Variants in NTRK3 observed in about 807,000 individuals in gnomAD.
The protein encoded by NTRK3 is NT-3 growth factor receptor.
NTRK3 carries 24 observed loss-of-function variants against 91.7 expected under a neutral mutation model. The observed-to-expected ratio is 0.26, with a 90% CI of 0.19 to 0.37. The LOEUF (loss-of-function observed/expected upper bound fraction) is 0.37. Ranked by LOEUF, NTRK3 falls within the 10% of genes least tolerant of loss-of-function variation. The pLI is 1.00. For missense variants in NTRK3, 880 were observed against 1,068.9 expected (o/e 0.82, Z 2.46); for synonymous variants, 483 against 404.0 (o/e 1.20, Z -2.34).
At chr15:87,998,174 C>T (rs747176095) in intron 14 of NTRK3, among the ~76,000 whole-genome samples, 6 of 152,170 alleles carry the variant, frequency 3.9e-5, no homozygotes, top group Non-Finnish European at 5.9e-5. Context: ...TGTCTCTAGA[C>T]ATTGTCAAAA....
intron 13 of NTRK3, among the ~76,000 whole-genome samples, chr15:88,066,958 T>C (rs1322774747): frequency 4.6e-5 from 7 of 152,140 alleles, no homozygotes; most frequent in Non-Finnish European, 1.0e-4. Context: ...CACTGGCCCT[T>C]CCACATTCCT....
intron 5 of NTRK3, among the ~76,000 whole-genome samples, chr15:88,171,246 C>T (rs2045486573): frequency 6.6e-6 from 1 of 152,162 alleles, no homozygotes; most frequent in Admixed American, 6.5e-5. Context: ...TCACCACACC[C>T]CTTTTTTCTA....
intron 3 of NTRK3, among the ~76,000 whole-genome samples, chr15:88,214,163 T>C (rs1241289733): frequency 1.3e-5 from 2 of 152,134 alleles, no homozygotes; most frequent in Middle Eastern, 3.2e-3. Flanking sequence ...GGGGCTCCCA[T>C]AACAAAGTAT....
At chr15:88,029,171 T>G (rs2078303668) in intron 14 of NTRK3, among the ~76,000 whole-genome samples, 1 of 152,234 alleles carries the variant, frequency 6.6e-6, no homozygotes, top group Non-Finnish European at 1.5e-5. Flanking sequence ...TTTATTAGGC[T>G]TTGGGTTCTG....
chr15:88,056,909 G>A (rs913824835), intron 13 of NTRK3, among the ~76,000 whole-genome samples: 5 of 152,080 alleles, frequency 3.3e-5, no homozygotes, highest in Non-Finnish European at 7.3e-5. Context: ...GGTGGCTCAC[G>A]CCTGTAATCC....
At chr15:88,064,680 G>C (rs1461421093) in intron 13 of NTRK3, among the ~76,000 whole-genome samples, 1 of 152,172 alleles carries the variant, frequency 6.6e-6, no homozygotes, top group Non-Finnish European at 1.5e-5. Context: ...CAGAGCGAGA[G>C]GGTGGACATG....
intron 17 of NTRK3, among the ~76,000 whole-genome samples, chr15:87,913,371 G>A (rs760064411): frequency 2.5e-4 from 38 of 152,086 alleles, no homozygotes; most frequent in Non-Finnish European, 3.1e-4. Flanking sequence ...CAAGGTTAGA[G>A]CATGCCTAAC....
intron 13 of NTRK3, among the ~76,000 whole-genome samples, chr15:88,081,568 CCT>C (rs2048043664): frequency 1.3e-5 from 2 of 152,258 alleles, no homozygotes; most frequent in South Asian, 2.1e-4. Flanking sequence ...GACACTCCAT[CCT>C]CTGTGTGCCT....
At chr15:88,152,328 A>G (rs1368386256) in intron 5 of NTRK3, among the ~76,000 whole-genome samples, 1 of 152,140 alleles carries the variant, frequency 6.6e-6, no homozygotes, top group Non-Finnish European at 1.5e-5. Flanking sequence ...AAACAAACAA[A>G]CAAAATCCTA....
exon 10 of NTRK3, chr15:88,135,263 T>C: frequency 6.2e-7 from 1 of 1,614,188 alleles, no homozygotes. Context: ...TCCACATGGA[T>C]GATCTTGGAC....
At chr15:88,152,867 G>T (rs952536472) in intron 5 of NTRK3, among the ~76,000 whole-genome samples, 4 of 152,074 alleles carry the variant, frequency 2.6e-5, no homozygotes, top group African/African-American at 7.2e-5. Flanking sequence ...CCACCCCCTG[G>T]GTGTACTCCA....
At chr15:88,059,811 G>T (rs2046046579) in intron 13 of NTRK3, among the ~76,000 whole-genome samples, 1 of 152,194 alleles carries the variant, frequency 6.6e-6, no homozygotes, top group African/African-American at 2.4e-5. Context: ...TCTTTAAGGG[G>T]ATAACTAGGT....
At chr15:87,872,332 G>A (rs2064843428) in exon 19 of NTRK3, 1 of 223,238 alleles carries the variant, frequency 4.5e-6, no homozygotes, top group South Asian at 1.8e-4. Context: ...TGGAAAAGGG[G>A]AACAAAGAAA....
chr15:87,919,807 A>G (rs1434775908), intron 17 of NTRK3, among the ~76,000 whole-genome samples: 1 of 152,186 alleles, frequency 6.6e-6, no homozygotes, highest in Non-Finnish European at 1.5e-5. Flanking sequence ...TCAAAACTGG[A>G]GTTTGTTTTT....
At position 88,240,961 on chromosome 15, in the gene NTRK3, G is replaced by T. The variant is rs975855531; in HGVS notation, c.248+14945C>A. On this transcript the variant is annotated intron_variant, in intron 3 of 18. Transcript: ENST00000394480. This position sits in a 1 kb window ranked among gnomAD's most constrained non-coding sequence, Gnocchi z 4.9. ...TGTGTGCCCTCAGCAAGCTGGGAGG[G>T]TTGCTGTGGGCCTGGGGGACATTCT... Among the ~76,000 whole-genome samples, 1 of 152,212 alleles carries T rather than the reference G, an allele frequency of 6.6e-6. No homozygotes were observed. The highest frequency in any genetic ancestry group is 1.9e-4 in the East Asian group (1 of 5,184).
chr15:87,949,252 T>C (rs1052265470), intron 14 of NTRK3, among the ~76,000 whole-genome samples: 3 of 152,050 alleles, frequency 2.0e-5, no homozygotes, highest in African/African-American at 7.2e-5. Flanking sequence ...ATGTCCTGGC[T>C]CCGAGAATGG....
intron 10 of NTRK3, among the ~76,000 whole-genome samples, chr15:88,133,243 G>C (rs575769857): frequency 6.6e-6 from 1 of 152,142 alleles, no homozygotes; most frequent in Non-Finnish European, 1.5e-5. Context: ...GCTGCATCTC[G>C]TGGGGGCAGA....
At position 87,923,403 on chromosome 15, in the gene NTRK3, T is replaced by C. The variant is rs7167959; in HGVS notation, c.2133+5788A>G. ...TCCTTTTAGCTGGTTGGGACATAGA[T>C]AGATGCCTAGCATGACCAAGGAAGG... On this transcript the variant is annotated intron_variant, in intron 17 of 18. Transcript: ENST00000394480. 4.1e-3 allele frequency among the ~76,000 whole-genome samples: 620 copies of C among 152,276 alleles called. 5 individuals are homozygous for C. Among genetic ancestry groups the C allele is most frequent in the African/African-American group, 0.014 (588 of 41,554 alleles).
At chr15:87,985,097 G>A (rs1172022446) in intron 14 of NTRK3, among the ~76,000 whole-genome samples, 1 of 152,184 alleles carries the variant, frequency 6.6e-6, no homozygotes, top group Admixed American at 6.5e-5. Context: ...TGATAAAGAA[G>A]TGGCTGGAAA....
Sources: allele counts gnomAD v4.1 joint callset (sites outside exome capture counted in the v4.1 genomes callset), GRCh38; gene constraint gnomAD v4.1.1; non-coding constraint Gnocchi (gnomAD v3.1); transcripts MANE v1.5; gene names NCBI Gene and HGNC (gene_info 2026-07-23, HGNC 2026-07-21).